MAP7: variants seen among roughly 807,000 people sequenced by gnomAD.
The protein encoded by MAP7 is ensconsin.
In MAP7, 52 loss-of-function variants were observed where a neutral mutation model predicts 94.8. The ratio of observed to expected loss-of-function variants is 0.55; its 90% CI spans 0.44 to 0.69. The LOEUF is 0.69. Among genes scored for constraint, MAP7 ranks in the 30% least tolerant of loss-of-function variants. The probability of loss-of-function intolerance (pLI) is 0.00; values close to 1 mark genes in which losing one functional copy is unlikely to be tolerated. For synonymous variants in MAP7, 350 were observed against 357.0 expected, an observed-to-expected ratio of 0.98 and a Z score of 0.22; for missense variants, 940 against 964.6, an observed-to-expected ratio of 0.97 and a Z score of 0.34.
chr6:136,358,670 C>A (rs539791135), intron 15 of MAP7, among the ~76,000 whole-genome samples: 3 of 152,262 alleles, frequency 2.0e-5, no homozygotes, highest in South Asian at 2.1e-4. Context: ...GATCTTTGAG[C>A]AAAAGGTATT....
chr6:136,359,824 T>C lies in MAP7; in HGVS notation c.1908A>G (p.Gly636=). The C allele has an allele frequency of 6.2e-7, 1 of 1,612,398 alleles. No individual in the cohort carries two copies. Among genetic ancestry groups the C allele is most frequent in the Non-Finnish European group, 8.5e-7 (1 of 1,179,798 alleles). The part of the protein sequence containing the change: ...GDIAKGALTG[G]TEVSALPCTT... ...TGAGTTCATTGACAGAAATACCTGT[T>C]CCTCCAGTGAGAGCTCCCTTGGCTA... The change falls in exon 15 of 18, where the codon GGA becomes GGG. Residue 636 remains glycine, a synonymous_variant. Coordinates refer to ENST00000354570, the MANE Select transcript of MAP7 (RefSeq NM_003980.6).
rs753680368 is a variant in MAP7 at position 136,550,391 on chromosome 6, A to C, written c.18T>G (p.Ala6=). 1 of 1,527,260 alleles carries C rather than the reference A, an allele frequency of 6.5e-7. No individual in the cohort carries two copies. The highest frequency in any genetic ancestry group is 2.0e-5 in the Admixed American group (1 of 51,078). 94.6% of individuals were successfully genotyped at this position (1,527,260 alleles called of 1,614,324 possible). A position where few individuals can be genotyped will look rare whatever the true frequency, so the allele number is the denominator to read the frequency against. The change falls in exon 1 of 18, where the codon GCT becomes GCG. Residue 6 remains alanine, a synonymous_variant. Transcript: ENST00000354570. This position sits in a 1 kb window ranked among gnomAD's most constrained non-coding sequence, Gnocchi z 5.1. ...CGCCGCCCCTGTGGCCGTCGCCGCC[A>C]GCTCCTAGCTCCGCCATGGTGCTCC... The part of the protein sequence containing the change: MAELG[A]GGDGHRGGDG...
chr6:136,357,525 C>T (rs1791369208), intron 15 of MAP7, among the ~76,000 whole-genome samples: 1 of 152,144 alleles, frequency 6.6e-6, no homozygotes, highest in Admixed American at 6.5e-5. Flanking sequence ...GACAGGGTCT[C>T]ATTCTGTCAC....
intron 1 of MAP7, among the ~76,000 whole-genome samples, chr6:136,543,894 A>G (rs1829519622): frequency 6.6e-6 from 1 of 152,104 alleles, no homozygotes; most frequent in Non-Finnish European, 1.5e-5. Flanking sequence ...AAAAAAGAAA[A>G]TAAAAGAAAA....
chr6:136,518,303 G>C (rs1825445800), intron 1 of MAP7, among the ~76,000 whole-genome samples: 1 of 152,060 alleles, frequency 6.6e-6, no homozygotes, highest in Admixed American at 6.6e-5. Context: ...CACTGGACCT[G>C]GGATTGTAAA....
intron 1 of MAP7, among the ~76,000 whole-genome samples, chr6:136,543,102 C>T (rs2129060949): frequency 6.6e-6 from 1 of 152,286 alleles, no homozygotes; most frequent in East Asian, 1.9e-4. Flanking sequence ...AATCCCACTC[C>T]TAGGTATTTA....
At chr6:136,400,117 T>TA (rs1294722447) in intron 3 of MAP7, among the ~76,000 whole-genome samples, 4 of 151,434 alleles carry the variant, frequency 2.6e-5, no homozygotes, top group African/African-American at 9.7e-5. Flanking sequence ...TTTTCTTTTT[T>TA]AAAAAAAGGG....
At chr6:136,355,316 G>T (rs1458642221) in intron 16 of MAP7, among the ~76,000 whole-genome samples, 1 of 150,536 alleles carries the variant, frequency 6.6e-6, no homozygotes, top group African/African-American at 2.4e-5. Context: ...AAGTTTTAGG[G>T]AATGAATTTA....
chr6:136,346,826 A>C (rs540055378), intron 16 of MAP7, among the ~76,000 whole-genome samples: 2 of 152,264 alleles, frequency 1.3e-5, no homozygotes, highest in South Asian at 4.1e-4. Context: ...CTACTGAGAG[A>C]TAGTTGAGGC....
At chr6:136,435,449 G>A (rs1582904072) in intron 1 of MAP7, among the ~76,000 whole-genome samples, 2 of 152,314 alleles carry the variant, frequency 1.3e-5, no homozygotes, top group Non-Finnish European at 2.9e-5. Flanking sequence ...CTAATCAAAT[G>A]TGAATAGATC....
intron 10 of MAP7, chr6:136,364,718 G>T (rs1793795987): frequency 6.2e-6 from 1 of 162,514 alleles, no homozygotes; most frequent in African/African-American, 2.4e-5. Context: ...CAAGCAGATA[G>T]ATGAGGACAT....
At chr6:136,445,481 T>A (rs1255258703) in intron 1 of MAP7, among the ~76,000 whole-genome samples, 1 of 152,204 alleles carries the variant, frequency 6.6e-6, no homozygotes, top group East Asian at 1.9e-4. Context: ...GCCATTTCTT[T>A]GCATCCTTAC....
intron 1 of MAP7, chr6:136,525,969 C>A (rs1583145461): frequency 6.7e-7 from 1 of 1,486,704 alleles, no homozygotes; most frequent in East Asian, 2.5e-5. Context: ...AGGCATACCG[C>A]TGCTACTTGT....
chr6:136,527,613 G>A (rs535434199), intron 1 of MAP7, among the ~76,000 whole-genome samples: 1 of 152,258 alleles, frequency 6.6e-6, no homozygotes, highest in East Asian at 1.9e-4. Flanking sequence ...ATTAGGGTGA[G>A]GATTAAATGC....
intron 2 of MAP7, among the ~76,000 whole-genome samples, chr6:136,417,466 C>G (rs553333087): frequency 5.3e-5 from 8 of 152,322 alleles, no homozygotes; most frequent in African/African-American, 1.9e-4. Context: ...CTCACTAGGC[C>G]TTGACTCATA....
intron 1 of MAP7, among the ~76,000 whole-genome samples, chr6:136,451,285 A>G (rs1333367703): frequency 6.6e-6 from 1 of 152,176 alleles, no homozygotes; most frequent in Non-Finnish European, 1.5e-5. Context: ...CATCTCTTTA[A>G]TTGCACTTCC....
intron 1 of MAP7, among the ~76,000 whole-genome samples, chr6:136,435,176 T>C (rs1447486639): frequency 2.6e-5 from 4 of 151,944 alleles, no homozygotes; most frequent in Non-Finnish European, 4.4e-5. Context: ...CAGAAGGAGG[T>C]TGAGAGATAT....
chr6:136,533,578 A>G (rs1278972769), intron 1 of MAP7, among the ~76,000 whole-genome samples: 2 of 152,148 alleles, frequency 1.3e-5, no homozygotes, highest in Non-Finnish European at 1.5e-5. Flanking sequence ...TAAATACCTG[A>G]GACTGGATAA....
At chr6:136,396,321 C>T (rs1336899725) in intron 3 of MAP7, among the ~76,000 whole-genome samples, 3 of 151,852 alleles carry the variant, frequency 2.0e-5, no homozygotes, top group Non-Finnish European at 4.4e-5. Context: ...TTATAGCTAC[C>T]GTAAATGGGA....
Sources: gnomAD v4.1 joint callset for allele counts (sites outside exome capture counted in the v4.1 genomes callset) on GRCh38, gnomAD v4.1.1 for gene constraint, Gnocchi (gnomAD v3.1) non-coding constraint, MANE v1.5 for transcripts, NCBI Gene and HGNC (gene_info 2026-07-23, HGNC 2026-07-21) for gene names.